UHRF2: variants seen among roughly 807,000 people sequenced by gnomAD.
UHRF2 encodes the protein E3 ubiquitin-protein ligase UHRF2.
A neutral mutation model predicts 96.8 loss-of-function variants in UHRF2; 23 were observed. The observed-to-expected ratio is 0.24, with a 90% CI of 0.17 to 0.34. The LOEUF is 0.34. UHRF2 is among the 10% of genes least tolerant of loss of function. UHRF2 has a pLI of 1.00. For missense variants in UHRF2, 685 were observed against 981.5 expected, an observed-to-expected ratio of 0.70 and a Z score of 4.04; for synonymous variants, 385 against 332.6, an observed-to-expected ratio of 1.16 and a Z score of -1.72.
intron 2 of UHRF2, among the ~76,000 whole-genome samples, chr9:6,429,167 G>GAA (rs879346848): frequency 7.4e-6 from 1 of 135,290 alleles, no homozygotes; most frequent in African/African-American, 2.7e-5. Flanking sequence ...TCTGTCTCAG[G>GAA]AAAAAAAAAA....
At chr9:6,461,961 C>T (rs986368840) in intron 4 of UHRF2, among the ~76,000 whole-genome samples, 4 of 150,208 alleles carry the variant, frequency 2.7e-5, no homozygotes, top group African/African-American at 9.8e-5. Context: ...TATTGAGTGC[C>T]GAGGGTTTTA....
At chr9:6,454,418 A>G (rs1822061497) in intron 3 of UHRF2, among the ~76,000 whole-genome samples, 1 of 152,170 alleles carries the variant, frequency 6.6e-6, no homozygotes. Context: ...TGTTGTGGCA[A>G]GAGTGTGTCG....
chr9:6,486,367 GAGA>G (rs1824290586), intron 8 of UHRF2, among the ~76,000 whole-genome samples: 1 of 152,208 alleles, frequency 6.6e-6, no homozygotes, highest in Non-Finnish European at 1.5e-5. Flanking sequence ...AGGAATAAGG[GAGA>G]AGAATGGGGC....
chr9:6,497,136 T>C (rs1195445813), intron 10 of UHRF2, 62 bp from the exon 11 acceptor site: 24 of 1,482,392 alleles, frequency 1.6e-5, no homozygotes, highest in Non-Finnish European at 2.0e-5. Context: ...ATTGAGCTAA[T>C]GACTCGATTG....
intron 3 of UHRF2, among the ~76,000 whole-genome samples, chr9:6,460,257 G>A (rs1292677850): frequency 6.6e-6 from 1 of 152,136 alleles, no homozygotes; most frequent in Admixed American, 6.5e-5. Context: ...CTCCCTCAAA[G>A]TAGATGATTG....
At chr9:6,422,677 A>T (rs1262624977) in intron 2 of UHRF2, 4 of 635,836 alleles carry the variant, frequency 6.3e-6, no homozygotes, top group African/African-American at 1.8e-5. Flanking sequence ...TGACGTGAAC[A>T]CGGCTCGCTG....
chr9:6,422,437 CTT>C (rs1240383794), intron 2 of UHRF2, among the ~76,000 whole-genome samples: 1 of 152,056 alleles, frequency 6.6e-6, no homozygotes, highest in Non-Finnish European at 1.5e-5. Context: ...TTCAGGGTCT[CTT>C]GGCTTTTAAT....
intron 2 of UHRF2, among the ~76,000 whole-genome samples, chr9:6,429,876 C>A (rs1255773499): frequency 6.6e-6 from 1 of 152,138 alleles, no homozygotes; most frequent in Non-Finnish European, 1.5e-5. Flanking sequence ...TTCTGCAAAA[C>A]AAATGGTACC....
At chr9:6,434,859 C>G (rs889992606) in intron 3 of UHRF2, among the ~76,000 whole-genome samples, 5 of 152,008 alleles carry the variant, frequency 3.3e-5, no homozygotes, top group African/African-American at 7.3e-5. Context: ...GGGACCGGGT[C>G]CCACTTTGTT....
At chr9:6,427,963 T>G (rs1428159870) in intron 2 of UHRF2, among the ~76,000 whole-genome samples, 1 of 152,198 alleles carries the variant, frequency 6.6e-6, no homozygotes, top group Non-Finnish European at 1.5e-5. Context: ...TAAGTTCGTT[T>G]TAATTTTGGT....
rs1412226458 is a variant in UHRF2, at chr9:6,456,466, C to G, written c.645-4107C>G. On this transcript the variant is annotated intron_variant, in intron 3 of 15. Coordinates refer to ENST00000276893, the MANE Select transcript of UHRF2 (RefSeq NM_152896.3). The stretch of plus-strand genomic sequence containing the variant: ...CAGATGGATAGATTGCAAAAATGTT[C>G]TCTCGTTCTGTAGGTTGCCTGTTCA... 2.6e-5 allele frequency among the ~76,000 whole-genome samples: 4 copies of G among 152,024 alleles called. No homozygotes were observed. The South Asian group carries it at 6.2e-4, about 24-fold the overall frequency.
rs917846712 is a variant in UHRF2, at chr9:6,442,668, G to A, written c.644+8495G>A. ...TAATTTTTGATTTTTTTTTTTTTTG[G>A]GGGGGTAGAGATGGGGTCTCACTTT... On this transcript the variant is annotated intron_variant, in intron 3 of 15. Transcript: ENST00000276893. Among the ~76,000 whole-genome samples the A allele has an allele frequency of 3.0e-4, 45 of 148,066 alleles. 1 individual carries two copies. Among genetic ancestry groups the A allele is most frequent in the Non-Finnish European group, 7.5e-5 (5 of 66,864 alleles).
intron 3 of UHRF2, among the ~76,000 whole-genome samples, chr9:6,448,563 G>A (rs1482715992): frequency 6.6e-6 from 1 of 152,150 alleles, no homozygotes; most frequent in East Asian, 1.9e-4. Flanking sequence ...CTGTCCTAAG[G>A]GTTGTTATAA....
rs1384989309 is a variant in UHRF2 at position 6,453,341 on chromosome 9, T to C, written c.645-7232T>C. Among the ~76,000 whole-genome samples, 3 of 152,236 alleles carry C rather than the reference T, an allele frequency of 2.0e-5. No individual in the cohort carries two copies. The East Asian group carries it at 5.8e-4, about 29-fold the overall frequency. On this transcript the variant is annotated intron_variant, in intron 3 of 15. Transcript: ENST00000276893. ...AGGTGGTTCTTTTGCCACTGAAATA[T>C]GCTTTTTACAGTGTTATTTAAAAAC... is the stretch of plus-strand genomic sequence containing the variant.
intron 6 of UHRF2, among the ~76,000 whole-genome samples, chr9:6,480,517 C>T (rs976692635): frequency 6.6e-6 from 1 of 152,200 alleles, no homozygotes; most frequent in African/African-American, 2.4e-5. Context: ...ACATTCGTAT[C>T]AAGGTCTTTC....
chr9:6,468,000 T>C (rs1174030799), intron 4 of UHRF2, among the ~76,000 whole-genome samples: 1 of 152,216 alleles, frequency 6.6e-6, no homozygotes, highest in Non-Finnish European at 1.5e-5. Context: ...CTTTTTTTCT[T>C]ACTTGAAATT....
intron 4 of UHRF2, among the ~76,000 whole-genome samples, chr9:6,467,704 G>A (rs1587836946): frequency 7.2e-6 from 1 of 138,052 alleles, no homozygotes; most frequent in Admixed American, 8.0e-5. Flanking sequence ...ATTTGAATTT[G>A]CTTGTTTACT....
intron 3 of UHRF2, among the ~76,000 whole-genome samples, chr9:6,455,580 A>G (rs1822128933): frequency 3.3e-5 from 5 of 152,126 alleles, no homozygotes; most frequent in Admixed American, 3.3e-4. Flanking sequence ...GCTATTGTGA[A>G]TAGTGCTGCA....
chr9:6,497,978 A>C (rs1376535593), intron 11 of UHRF2, 40 bp from the exon 12 acceptor site: 1 of 1,605,372 alleles, frequency 6.2e-7, no homozygotes, highest in African/African-American at 1.3e-5. Flanking sequence ...ATAAGTCTAA[A>C]TTTTAAATCT....
Sources: allele counts gnomAD v4.1 joint callset (sites outside exome capture counted in the v4.1 genomes callset), GRCh38; gene constraint gnomAD v4.1.1; transcripts MANE v1.5; gene names NCBI Gene and HGNC (gene_info 2026-07-23, HGNC 2026-07-21).